The following HIVEP3 variants were observed in gnomAD, a reference collection of about 807,000 sequenced individuals.
HIVEP3 encodes transcription factor HIVEP3.
In HIVEP3, 49 loss-of-function variants were observed where a neutral mutation model predicts 152.8. That is an observed-to-expected ratio of 0.32 (90% CI 0.26 to 0.41). The LOEUF is 0.41. Ranked by LOEUF, HIVEP3 falls within the 10% of genes least tolerant of loss-of-function variation. The pLI, the probability that HIVEP3 is intolerant of heterozygous loss-of-function variation, is 1.00. For synonymous variants in HIVEP3, 1,269 were observed against 1,289.0 expected (o/e 0.98, Z 0.33); for missense variants, 2,790 against 3,103.3 (o/e 0.90, Z 2.40).
At chr1:41,835,805 T>C (rs1380879264) in intron 1 of HIVEP3, among the ~76,000 whole-genome samples, 2 of 152,196 alleles carry the variant, frequency 1.3e-5, no homozygotes, top group East Asian at 1.9e-4. Context: ...TGATGAACAG[T>C]GGACAAATGC....
At chr1:41,863,885 G>C (rs1643920975) in intron 1 of HIVEP3, among the ~76,000 whole-genome samples, 1 of 152,188 alleles carries the variant, frequency 6.6e-6, no homozygotes, top group Non-Finnish European at 1.5e-5. Flanking sequence ...GCTGATTATT[G>C]CAGGAAATGA....
At chr1:41,703,964 G>A (rs1258850954) in intron 1 of HIVEP3, among the ~76,000 whole-genome samples, 1 of 152,150 alleles carries the variant, frequency 6.6e-6, no homozygotes, top group African/African-American at 2.4e-5. Context: ...AGGTTTTAGA[G>A]TCAGACACTT....
At chr1:41,973,792 G>C (rs1362245765) in intron 1 of HIVEP3, among the ~76,000 whole-genome samples, 1 of 152,192 alleles carries the variant, frequency 6.6e-6, no homozygotes, top group Non-Finnish European at 1.5e-5. Context: ...CAATCGGTAA[G>C]ACTATCATGA....
intron 1 of HIVEP3, among the ~76,000 whole-genome samples, chr1:42,027,885 T>C (rs1017873889): frequency 5.3e-5 from 8 of 152,150 alleles, no homozygotes; most frequent in African/African-American, 1.7e-4. Flanking sequence ...GCCCCCATGA[T>C]TCGATTACCT....
chr1:41,757,621 AG>A (rs1647397311), intron 1 of HIVEP3, among the ~76,000 whole-genome samples: 1 of 152,148 alleles, frequency 6.6e-6, no homozygotes, highest in Non-Finnish European at 1.5e-5. Context: ...ATCTCAGAAT[AG>A]GGGAATGGAG....
chr1:41,835,561 G>A (rs529703235), intron 1 of HIVEP3, among the ~76,000 whole-genome samples: 51 of 152,328 alleles, frequency 3.3e-4, no homozygotes, highest in African/African-American at 1.1e-3. Flanking sequence ...AGTCCATAGC[G>A]TCTAGATTCC....
In HIVEP3 at chr1:41,665,913, C is replaced by T. The variant is rs190659323; in HGVS notation, c.-721+35003G>A. On this transcript the variant is annotated intron_variant, in intron 2 of 8. Coordinates refer to ENST00000372583, the MANE Select transcript of HIVEP3 (RefSeq NM_024503.5). ...GACACAATTTTGGAACCCACTGTTG[C>T]TCCCAAGGAGCTAGGGACCAGCACA... Among the ~76,000 whole-genome samples the T allele has an allele frequency of 9.2e-5, 14 of 152,250 alleles. No homozygotes were observed. In the South Asian group the frequency reaches 1.0e-3, roughly 11 times the overall value.
In HIVEP3 at chr1:41,511,841, G is replaced by A. The variant is rs3122127; in HGVS notation, c.6406-575C>T. ...GTCAGCTGACAATGATGGTGCTATC[G>A]GTGGAGGGGTCATGGCAGCTGAGGG... On this transcript the variant is annotated intron_variant, in intron 8 of 8. Coordinates refer to ENST00000372583, the MANE Select transcript of HIVEP3 (RefSeq NM_024503.5). This position sits in a 1 kb window ranked among gnomAD's most constrained non-coding sequence, Gnocchi z 4.9. Among the ~76,000 whole-genome samples, 151,445 of 152,280 alleles carry A rather than the reference G, an allele frequency of 0.99. 75,316 individuals carry two copies. The highest frequency in any genetic ancestry group is 1 in the East Asian group (5,184 of 5,184).
chr1:41,794,592 C>T (rs1425232885), intron 1 of HIVEP3, among the ~76,000 whole-genome samples: 1 of 151,844 alleles, frequency 6.6e-6, no homozygotes, highest in Non-Finnish European at 1.5e-5. Flanking sequence ...AACAAACAAA[C>T]AAACAAAAAA....
At chr1:41,634,633 C>CA (rs1474761690) in intron 2 of HIVEP3, among the ~76,000 whole-genome samples, 1 of 151,560 alleles carries the variant, frequency 6.6e-6, no homozygotes, top group Non-Finnish European at 1.5e-5. Context: ...AACAAACTGA[C>CA]AAAAAAGATG....
At chr1:41,958,173 G>A (rs1414466300) in intron 1 of HIVEP3, among the ~76,000 whole-genome samples, 1 of 152,208 alleles carries the variant, frequency 6.6e-6, no homozygotes, top group African/African-American at 2.4e-5. Flanking sequence ...GCAGCTCCCG[G>A]CTGCAATACA....
At chr1:41,990,270 A>G (rs1238856768) in intron 1 of HIVEP3, among the ~76,000 whole-genome samples, 2 of 140,964 alleles carry the variant, frequency 1.4e-5, no homozygotes, top group African/African-American at 2.7e-5. Flanking sequence ...TCTGGCTTGT[A>G]GGGTTTCTGC....
chr1:41,794,133 A>C (rs1033066181), intron 1 of HIVEP3, among the ~76,000 whole-genome samples: 11 of 152,224 alleles, frequency 7.2e-5, no homozygotes, highest in African/African-American at 2.4e-4. Flanking sequence ...TAATGGACTT[A>C]GTTCCACATG....
chr1:41,671,958 T>TG (rs1645883951), intron 2 of HIVEP3, among the ~76,000 whole-genome samples: 1 of 152,006 alleles, frequency 6.6e-6, no homozygotes, highest in Admixed American at 6.5e-5. Context: ...GAGAAGAAAG[T>TG]GGGGAGACCC....
intron 1 of HIVEP3, among the ~76,000 whole-genome samples, chr1:41,796,328 C>T (rs536096478): frequency 3.6e-4 from 55 of 152,352 alleles, no homozygotes; most frequent in South Asian, 8.3e-4. Context: ...CACACGACAG[C>T]CCCAGGATGG....
intron 1 of HIVEP3, among the ~76,000 whole-genome samples, chr1:41,967,021 C>T (rs1400449351): frequency 6.6e-6 from 1 of 152,104 alleles, no homozygotes; most frequent in Non-Finnish European, 1.5e-5. Flanking sequence ...TATATATGCA[C>T]CTAATACAGA....
upstream of HIVEP3, among the ~76,000 whole-genome samples, chr1:41,921,912 G>A (rs891802715): frequency 3.3e-4 from 50 of 151,280 alleles, no homozygotes; most frequent in African/African-American, 5.1e-4. Flanking sequence ...CAAAAAGTGC[G>A]CACACACACA....
intron 1 of HIVEP3, among the ~76,000 whole-genome samples, chr1:41,823,084 T>A (rs1642656680): frequency 6.6e-6 from 1 of 152,152 alleles, no homozygotes; most frequent in Admixed American, 6.5e-5. Flanking sequence ...TATGGCCTTA[T>A]AAAAAGAAGG....
At chr1:41,955,135 C>G (rs987731803) in intron 1 of HIVEP3, among the ~76,000 whole-genome samples, 13 of 151,986 alleles carry the variant, frequency 8.6e-5, no homozygotes, top group African/African-American at 2.9e-4. Flanking sequence ...AACATATCAG[C>G]CAGGTACTAC....
Sources: allele counts gnomAD v4.1 joint callset (sites outside exome capture counted in the v4.1 genomes callset), GRCh38; gene constraint gnomAD v4.1.1; non-coding constraint Gnocchi (gnomAD v3.1); transcripts MANE v1.5; gene names NCBI Gene and HGNC (gene_info 2026-07-23, HGNC 2026-07-21).